LPP: variants seen among roughly 807,000 people sequenced by gnomAD.
The protein encoded by LPP is lipoma-preferred partner.
A neutral mutation model predicts 60.4 loss-of-function variants in LPP; 38 were observed. That is an observed-to-expected ratio of 0.63 (90% CI 0.49 to 0.83). The LOEUF (loss-of-function observed/expected upper bound fraction) is 0.83, where lower values mean the gene tolerates loss of function less well. Ranked by LOEUF, LPP falls within the 40% of genes least tolerant of loss-of-function variation. The probability of loss-of-function intolerance (pLI) is 0.00; values close to 1 mark genes in which losing one functional copy is unlikely to be tolerated. For missense variants in LPP, 902 were observed against 783.6 expected (o/e 1.15, Z -1.80); for synonymous variants, 328 against 290.8 (o/e 1.13, Z -1.30).
At chr3:188,563,725 T>G (rs1161639716) in intron 6 of LPP, among the ~76,000 whole-genome samples, 38 of 116,986 alleles carry the variant, frequency 3.2e-4, no homozygotes, top group Admixed American at 2.8e-3. Context: ...TGTGTTTTTT[T>G]TTGTTTTTTT....
chr3:188,821,461 C>T (rs923820994), intron 9 of LPP, among the ~76,000 whole-genome samples: 4 of 151,084 alleles, frequency 2.6e-5, no homozygotes, highest in African/African-American at 9.8e-5. Flanking sequence ...TTTACAGAAA[C>T]ACATTTCCAA....
chr3:188,493,698 G>A (rs1809066264), intron 5 of LPP, among the ~76,000 whole-genome samples: 1 of 152,018 alleles, frequency 6.6e-6, no homozygotes, highest in Non-Finnish European at 1.5e-5. Context: ...CTGTCCTGAT[G>A]CCTCTCAAAG....
chr3:188,489,383 T>C (rs948871057), intron 5 of LPP, among the ~76,000 whole-genome samples: 7 of 152,190 alleles, frequency 4.6e-5, no homozygotes, highest in Non-Finnish European at 2.9e-5. Flanking sequence ...GAAGGATTCA[T>C]AGAAACAATT....
intron 3 of LPP, among the ~76,000 whole-genome samples, chr3:188,395,331 A>C (rs1578581361): frequency 6.6e-6 from 1 of 151,890 alleles, no homozygotes; most frequent in Non-Finnish European, 1.5e-5. Flanking sequence ...TGATCCTTCC[A>C]CCTCAGCCTC....
intron 7 of LPP, among the ~76,000 whole-genome samples, chr3:188,645,806 G>A (rs1323014565): frequency 2.7e-5 from 4 of 147,308 alleles, no homozygotes; most frequent in Non-Finnish European, 4.5e-5. Flanking sequence ...ACAAATATAA[G>A]TTCAAAAAAA....
intron 4 of LPP, among the ~76,000 whole-genome samples, chr3:188,436,886 G>A (rs10937347): frequency 0.09 from 13,695 of 152,010 alleles, 677 homozygotes; most frequent in South Asian, 0.2. Flanking sequence ...GGGGTGGCAC[G>A]GCCAGCTTTA....
chr3:188,755,630 C>A (rs912210219), intron 8 of LPP, among the ~76,000 whole-genome samples: 3 of 151,422 alleles, frequency 2.0e-5, no homozygotes, highest in Non-Finnish European at 4.4e-5. Context: ...ACAGCAAGAC[C>A]CTATCTGTAC....
At position 188,643,992 on chromosome 3, in the gene LPP, T is replaced by C. The variant is rs908950193; in HGVS notation, c.1113+34148T>C. ...AACAAAGATCAGTAACATCATCCAC[T>C]ATCCATGAAATATTGAACTATAAGG... On this transcript the variant is annotated intron_variant, in intron 7 of 11. Coordinates refer to ENST00000617246, the MANE Select transcript of LPP (RefSeq NM_001375462.1). 5.9e-5 allele frequency among the ~76,000 whole-genome samples: 9 copies of C among 152,288 alleles called. No individual in the cohort carries two copies. In the East Asian group the frequency reaches 1.5e-3, roughly 26 times the overall value.
chr3:188,172,159 A>G (rs988691498), intron 1 of LPP, among the ~76,000 whole-genome samples: 4 of 152,126 alleles, frequency 2.6e-5, no homozygotes, highest in African/African-American at 9.7e-5. Context: ...TAAACAAACT[A>G]CTCACCTCTC....
intron 9 of LPP, among the ~76,000 whole-genome samples, chr3:188,783,001 T>C (rs554739770): frequency 1.3e-5 from 2 of 152,154 alleles, no homozygotes; most frequent in Non-Finnish European, 2.9e-5. Context: ...GCCCATCCTT[T>C]CTGTCCCTTA....
intron 2 of LPP, among the ~76,000 whole-genome samples, chr3:188,296,865 A>C (rs1177586764): frequency 2.6e-5 from 4 of 152,214 alleles, no homozygotes; most frequent in Non-Finnish European, 4.4e-5. Context: ...TGGGTTACAC[A>C]TGGCCAGTTT....
intron 2 of LPP, among the ~76,000 whole-genome samples, chr3:188,226,335 G>A (rs1458344536): frequency 6.6e-6 from 1 of 152,094 alleles, no homozygotes; most frequent in Non-Finnish European, 1.5e-5. Flanking sequence ...ACAACCCTTT[G>A]GGGCAGAGCA....
intron 5 of LPP, among the ~76,000 whole-genome samples, chr3:188,523,434 A>G (rs1353482877): frequency 6.6e-6 from 1 of 152,194 alleles, no homozygotes; most frequent in Non-Finnish European, 1.5e-5. Context: ...ATAAGCTCCA[A>G]GACTCAGGTA....
At chr3:188,300,636 GC>G (rs1040304030) in intron 2 of LPP, among the ~76,000 whole-genome samples, 10 of 152,186 alleles carry the variant, frequency 6.6e-5, no homozygotes, top group African/African-American at 2.2e-4. Context: ...AAACATATTA[GC>G]CCAAGTTCTC....
intron 9 of LPP, among the ~76,000 whole-genome samples, chr3:188,803,216 A>T (rs1451011110): frequency 6.6e-6 from 1 of 151,906 alleles, no homozygotes; most frequent in Non-Finnish European, 1.5e-5. Flanking sequence ...AGCAATTTTT[A>T]AAATTTTGAC....
intron 7 of LPP, among the ~76,000 whole-genome samples, chr3:188,639,346 A>G (rs1393549832): frequency 1.3e-5 from 2 of 149,728 alleles, no homozygotes; most frequent in Non-Finnish European, 3.0e-5. Context: ...CCTTCCTTAC[A>G]CCTTATACAA....
intron 4 of LPP, among the ~76,000 whole-genome samples, chr3:188,439,846 A>G (rs1293178603): frequency 6.6e-6 from 1 of 152,200 alleles, no homozygotes; most frequent in Non-Finnish European, 1.5e-5. Flanking sequence ...CAGAGAATAC[A>G]TAGGCTGTGG....
chr3:188,491,160 A>G (rs996075998), intron 5 of LPP, among the ~76,000 whole-genome samples: 2 of 152,182 alleles, frequency 1.3e-5, no homozygotes, highest in Admixed American at 6.5e-5. Flanking sequence ...TCAAACCTAC[A>G]GTATGGCCAC....
chr3:188,319,189 T>C (rs112131067), intron 2 of LPP, among the ~76,000 whole-genome samples: 3 of 152,340 alleles, frequency 2.0e-5, no homozygotes, highest in African/African-American at 7.2e-5. Flanking sequence ...GCTAAGCACC[T>C]TGTCTTCTCA....
Sources: gnomAD v4.1 joint callset for allele counts (sites outside exome capture counted in the v4.1 genomes callset) on GRCh38, gnomAD v4.1.1 for gene constraint, MANE v1.5 for transcripts, NCBI Gene and HGNC (gene_info 2026-07-23, HGNC 2026-07-21) for gene names.